SPINK5: variants seen among roughly 807,000 people sequenced by gnomAD.
SPINK5 encodes the protein serine peptidase inhibitor Kazal type 5.
Under a neutral mutation model 151.8 loss-of-function variants are expected in SPINK5, and 125 were observed. That is an observed-to-expected ratio of 0.82 (90% CI 0.71 to 0.96). The LOEUF (loss-of-function observed/expected upper bound fraction) is 0.96, where lower values mean the gene tolerates loss of function less well. Ranked by LOEUF, SPINK5 falls within the 40% of genes least tolerant of loss-of-function variation. SPINK5 has a pLI of 0.00. For missense variants in SPINK5, 1,194 were observed against 1,291.9 expected (o/e 0.92, Z 1.16); for synonymous variants, 374 against 395.3 (o/e 0.95, Z 0.64).
chr5:148,123,067 A>G (rs6875266), intron 26 of SPINK5, among the ~76,000 whole-genome samples: 85,085 of 151,466 alleles, frequency 0.56, 24,617 homozygotes, highest in Admixed American at 0.65. Flanking sequence ...ATGAGATGGG[A>G]CAGGGCACTG....
chr5:148,110,863 A>G (rs1753907189), intron 18 of SPINK5, among the ~76,000 whole-genome samples: 1 of 152,006 alleles, frequency 6.6e-6, no homozygotes, highest in Non-Finnish European at 1.5e-5. Flanking sequence ...TGAGGGGGCT[A>G]AAAACCTAGG....
intron 30 of SPINK5, among the ~76,000 whole-genome samples, chr5:148,128,974 A>C (rs574720354): frequency 6.6e-6 from 1 of 152,348 alleles, no homozygotes; most frequent in South Asian, 2.1e-4. Context: ...AGGCAGAAAA[A>C]AATGGTACAG....
At position 148,137,042 on chromosome 5, in the gene SPINK5, T is replaced by C; in HGVS notation, c.*51T>C. On this transcript the variant is annotated 3_prime_UTR_variant, in exon 33 of 33. Transcript: ENST00000256084. ...GGAAAAAATAAACCCCAGTTCTGAA[T>C]CACCTACCTTCACCATCTGTATATA... 1 of 1,600,342 alleles carries C rather than the reference T, an allele frequency of 6.2e-7. No individual in the cohort carries two copies.
intron 15 of SPINK5, among the ~76,000 whole-genome samples, chr5:148,104,685 G>C (rs1462381027): frequency 6.6e-6 from 1 of 152,110 alleles, no homozygotes; most frequent in East Asian, 1.9e-4. Context: ...CATGAGGTCA[G>C]GAGTTCGAGA....
intron 26 of SPINK5, among the ~76,000 whole-genome samples, chr5:148,120,671 G>C (rs1376879928): frequency 6.6e-6 from 1 of 152,074 alleles, no homozygotes; most frequent in African/African-American, 2.4e-5. Context: ...ACAGGGTCTT[G>C]CTGTTGCTCA....
At chr5:148,101,468 A>G in intron 14 of SPINK5, 32 bp downstream of exon 14, 1 of 1,508,100 alleles carries the variant, frequency 6.6e-7, no homozygotes, top group African/African-American at 1.4e-5. Context: ...ACTCAGAGGG[A>G]TATGGCCCTG....
rs759856421 is a variant in SPINK5 at position 148,120,055 on chromosome 5, T to C, written c.2360T>C (p.Ile787Thr). ...FRSQMKNGKL[I>T]CTRESDPVRG... Reference sequence around the variant, plus strand: ...AGCCAAATGAAAAATGGAAAACTCATCTGCACTCGAGAAAGTGACCCTGTC... The same window carrying C: ...AGCCAAATGAAAAATGGAAAACTCACCTGCACTCGAGAAAGTGACCCTGTC... The change falls in exon 25 of 33, where the codon ATC becomes ACC. Residue 787 changes from isoleucine to threonine, a missense_variant. By Grantham distance (89) the Ile-to-Thr change is moderately conservative. Transcript: ENST00000256084. 1.9e-5 allele frequency: 30 copies of C among 1,613,916 alleles called. No homozygotes were observed. Among genetic ancestry groups the C allele is most frequent in the Non-Finnish European group, 2.5e-5 (29 of 1,179,936 alleles).
chr5:148,129,569 A>G (rs1472634737), intron 30 of SPINK5, among the ~76,000 whole-genome samples: 1 of 152,194 alleles, frequency 6.6e-6, no homozygotes, highest in African/African-American at 2.4e-5. Context: ...TTATAGCACC[A>G]GTTACCTGAA....
intron 1 of SPINK5, 88 bp from the exon 2 acceptor site, chr5:148,065,259 A>G: frequency 2.1e-6 from 3 of 1,402,704 alleles, no homozygotes; most frequent in Non-Finnish European, 3.0e-6. Context: ...CATTAAAGCA[A>G]TCAAGATGCT....
At chr5:148,082,392 A>C (rs1011236211) in intron 4 of SPINK5, among the ~76,000 whole-genome samples, 6 of 150,996 alleles carry the variant, frequency 4.0e-5, no homozygotes, top group African/African-American at 1.5e-4. Context: ...ATTATTTTCC[A>C]AACACTTCTT....
At chr5:148,095,705 AGTGTTT>A in intron 9 of SPINK5, 107 bp from the exon 10 acceptor site, 1 of 859,006 alleles carries the variant, frequency 1.2e-6, no homozygotes, top group East Asian at 2.6e-5. Context: ...GTGTTTTTAA[AGTGTTT>A]GTACTAAAAC....
intron 9 of SPINK5, 87 bp from the exon 10 acceptor site, chr5:148,095,731 C>G (rs1753437165): frequency 8.6e-7 from 1 of 1,160,564 alleles, no homozygotes; most frequent in African/African-American, 1.5e-5. Context: ...CTCAGGACAA[C>G]TTAGATATTT....
intron 4 of SPINK5, among the ~76,000 whole-genome samples, chr5:148,077,929 C>A: frequency 6.6e-6 from 1 of 150,574 alleles, no homozygotes. Context: ...ATATTGAAAA[C>A]AAATAGAAAA....
rs777649886 is a variant in SPINK5, at chr5:148,120,285, T to C, written c.2442-10T>C. On this transcript the variant is annotated splice_polypyrimidine_tract_variant and intron_variant, in intron 25 of 32. Transcript: ENST00000256084. ...ACTTTGATTGAAATGTTTCATTGTT[T>C]TCCCCCCAGGGAAAGGGAAGCAGCT... 1.9e-6 allele frequency: 3 copies of C among 1,606,272 alleles called. No individual in the cohort carries two copies. Among genetic ancestry groups the C allele is most frequent in the Non-Finnish European group, 2.6e-6 (3 of 1,175,496 alleles).
chr5:148,088,545 A>T lies in SPINK5; in HGVS notation c.414A>T (p.Lys138Asn). 1 of 1,611,690 alleles carries T rather than the reference A, an allele frequency of 6.2e-7. No homozygotes were observed. The highest frequency in any genetic ancestry group is 8.5e-7 in the Non-Finnish European group (1 of 1,178,480). Residue 138 changes from lysine to asparagine, a missense_variant, in exon 6 of 33, where the codon AAA becomes AAT. Transcript: ENST00000256084. ...GTCTACTAACTTTTGATTCTAGGAAAACCGGGTCCCAAATTGGTGTAAAAA... is the reference window on the plus strand; with the variant it reads ...GTCTACTAACTTTTGATTCTAGGAATACCGGGTCCCAAATTGGTGTAAAAA... ...NRCALCAENA[K>N]TGSQIGVKSE... is the part of the protein sequence containing the mutation.
At chr5:148,109,694 T>C (rs1753870774) in intron 18 of SPINK5, among the ~76,000 whole-genome samples, 2 of 152,148 alleles carry the variant, frequency 1.3e-5, no homozygotes, top group Admixed American at 1.3e-4. Flanking sequence ...CATTATTCTT[T>C]TCTTTTGTCC....
chr5:148,087,061 G>T (rs1355694642), intron 5 of SPINK5, among the ~76,000 whole-genome samples: 3 of 151,124 alleles, frequency 2.0e-5, no homozygotes, highest in Middle Eastern at 3.2e-3. Context: ...TTATCTATGT[G>T]TATACCCTTT....
chr5:148,122,695 C>T (rs1754301428), intron 26 of SPINK5, among the ~76,000 whole-genome samples: 1 of 152,050 alleles, frequency 6.6e-6, no homozygotes, highest in Non-Finnish European at 1.5e-5. Context: ...AAAGGTATAA[C>T]CTGGTGGTTA....
intron 30 of SPINK5, among the ~76,000 whole-genome samples, chr5:148,130,856 C>G (rs1271089182): frequency 6.6e-6 from 1 of 152,062 alleles, no homozygotes; most frequent in East Asian, 1.9e-4. Flanking sequence ...AAAACTCATG[C>G]AATTTATGAG....
Sources: allele counts gnomAD v4.1 joint callset (sites outside exome capture counted in the v4.1 genomes callset), GRCh38; gene constraint gnomAD v4.1.1; transcripts MANE v1.5; gene names NCBI Gene and HGNC (gene_info 2026-07-23, HGNC 2026-07-21).